The following TRPM3 variants were observed in gnomAD, a reference collection of about 807,000 sequenced individuals.
TRPM3 encodes the protein long transient receptor potential channel 3.
Under a neutral mutation model 181.2 loss-of-function variants are expected in TRPM3, and 77 were observed. That is an observed-to-expected ratio of 0.42 (90% CI 0.35 to 0.51). The LOEUF (loss-of-function observed/expected upper bound fraction) is 0.51, where lower values mean the gene tolerates loss of function less well. Among genes scored for constraint, TRPM3 ranks in the 20% least tolerant of loss-of-function variants. The pLI, the probability that TRPM3 is intolerant of heterozygous loss-of-function variation, is 0.01. For synonymous variants in TRPM3, 745 were observed against 796.4 expected (o/e 0.94, Z 1.09); for missense variants, 1,759 against 2,196.7 (o/e 0.80, Z 3.98).
chr9:70,898,367 CCA>C (rs920668864), intron 1 of TRPM3, among the ~76,000 whole-genome samples: 3 of 151,426 alleles, frequency 2.0e-5, no homozygotes. Context: ...CGTGATCCAC[CCA>C]CCTCAGCCTC....
chr9:70,596,539 C>T (rs1352316537), intron 21 of TRPM3, among the ~76,000 whole-genome samples: 1 of 152,024 alleles, frequency 6.6e-6, no homozygotes. Context: ...TGAGACCAGC[C>T]TGGCCAACCT....
At chr9:71,189,757 A>T (rs1014047614) in intron 1 of TRPM3, among the ~76,000 whole-genome samples, 1 of 151,588 alleles carries the variant, frequency 6.6e-6, no homozygotes, top group Non-Finnish European at 1.5e-5. Context: ...CCTTCCCACA[A>T]CACTCTGTAT....
intron 1 of TRPM3, among the ~76,000 whole-genome samples, chr9:71,346,663 G>C (rs150706073): frequency 6.6e-6 from 1 of 152,320 alleles, no homozygotes; most frequent in East Asian, 1.9e-4. Context: ...AAAGAGGTTA[G>C]CCTCAGATAA....
intron 6 of TRPM3, among the ~76,000 whole-genome samples, chr9:70,800,646 A>T (rs1418593418): frequency 6.6e-6 from 1 of 152,192 alleles, no homozygotes; most frequent in Non-Finnish European, 1.5e-5. Flanking sequence ...CTACTTAGTG[A>T]ATAGTAATAT....
At chr9:70,606,513 C>CTTATG (rs1350594682) in intron 19 of TRPM3, among the ~76,000 whole-genome samples, 9 of 152,058 alleles carry the variant, frequency 5.9e-5, no homozygotes, top group African/African-American at 2.2e-4. Context: ...AAAATAGGGT[C>CTTATG]TTATGTTTAG....
At chr9:70,980,883 C>T (rs878903640) in intron 1 of TRPM3, among the ~76,000 whole-genome samples, 2 of 152,152 alleles carry the variant, frequency 1.3e-5, no homozygotes, top group South Asian at 2.1e-4. Flanking sequence ...GACTCTTCTC[C>T]CCACCTTTCC....
At chr9:71,184,942 T>C (rs758128088) in intron 1 of TRPM3, among the ~76,000 whole-genome samples, 5 of 152,070 alleles carry the variant, frequency 3.3e-5, no homozygotes, top group African/African-American at 7.2e-5. Flanking sequence ...AACACACATA[T>C]AGAAACACAT....
chr9:70,823,520 T>A (rs368557386), intron 6 of TRPM3, among the ~76,000 whole-genome samples: 2 of 152,216 alleles, frequency 1.3e-5, no homozygotes, highest in African/African-American at 4.8e-5. Context: ...TACCTCCTCA[T>A]AGAGGTCATT....
intron 9 of TRPM3, among the ~76,000 whole-genome samples, chr9:70,646,510 T>C (rs1360134869): frequency 6.6e-6 from 1 of 151,230 alleles, no homozygotes; most frequent in Non-Finnish European, 1.5e-5. Context: ...ATAGTGGGAG[T>C]TGAACAATGA....
chr9:70,576,510 T>TC (rs199503300), intron 22 of TRPM3, among the ~76,000 whole-genome samples: 216 of 141,340 alleles, frequency 1.5e-3, no homozygotes, highest in African/African-American at 3.0e-3. Flanking sequence ...TCCTTCTTCT[T>TC]TTTTTTTTTT....
chr9:71,377,749 C>T (rs1363062874), intron 1 of TRPM3, among the ~76,000 whole-genome samples: 5 of 151,886 alleles, frequency 3.3e-5, no homozygotes, highest in Non-Finnish European at 1.5e-5. Context: ...ATGTGAAAAG[C>T]ACCCAGATAA....
At chr9:71,340,663 T>C (rs775358561) in intron 1 of TRPM3, among the ~76,000 whole-genome samples, 6 of 152,138 alleles carry the variant, frequency 3.9e-5, no homozygotes, top group African/African-American at 7.2e-5. Flanking sequence ...GTCTTGGGTA[T>C]GTCTTTATCA....
intron 1 of TRPM3, among the ~76,000 whole-genome samples, chr9:71,006,910 A>G (rs1390240980): frequency 6.7e-6 from 1 of 149,664 alleles, no homozygotes; most frequent in East Asian, 2.0e-4. Context: ...GTGGTGGCGC[A>G]TGCCTGTAAT....
At chr9:71,412,408 AAATC>A (rs2093568460) in intron 1 of TRPM3, among the ~76,000 whole-genome samples, 1 of 152,238 alleles carries the variant, frequency 6.6e-6, no homozygotes, top group Admixed American at 6.5e-5. Context: ...ACAGGAAAAA[AAATC>A]AAACAACCTC....
intron 6 of TRPM3, among the ~76,000 whole-genome samples, chr9:70,815,705 A>G (rs753990363): frequency 9.9e-5 from 15 of 152,158 alleles, no homozygotes; most frequent in Non-Finnish European, 2.2e-4. Context: ...TCGGCATATT[A>G]TGGAAATTAG....
intron 1 of TRPM3, among the ~76,000 whole-genome samples, chr9:71,041,743 C>G (rs960896075): frequency 6.6e-6 from 1 of 152,076 alleles, no homozygotes; most frequent in African/African-American, 2.4e-5. Context: ...GTTTCTTCTC[C>G]TTTGTCCTTA....
intron 5 of TRPM3, among the ~76,000 whole-genome samples, chr9:70,830,357 C>T (rs1051832902): frequency 3.3e-5 from 5 of 152,160 alleles, no homozygotes; most frequent in African/African-American, 9.7e-5. Context: ...ATTCTAAGGA[C>T]GTGGGTGCTC....
chr9:70,827,123 T>C (rs2093604585), intron 6 of TRPM3: 1 of 152,252 alleles, frequency 6.6e-6, no homozygotes, highest in African/African-American at 2.4e-5. Context: ...TCCATATGTA[T>C]CTAGAGACAA....
intron 1 of TRPM3, among the ~76,000 whole-genome samples, chr9:71,140,470 T>C (rs1368594595): frequency 6.6e-6 from 1 of 152,178 alleles, no homozygotes; most frequent in African/African-American, 2.4e-5. Context: ...GTTCCAATTC[T>C]ACCTCTTCTT....
Sources: allele counts gnomAD v4.1 joint callset (sites outside exome capture counted in the v4.1 genomes callset), GRCh38; gene constraint gnomAD v4.1.1; transcripts MANE v1.5; gene names NCBI Gene and HGNC (gene_info 2026-07-23, HGNC 2026-07-21).